Variants in RRM2 observed in about 807,000 individuals in gnomAD.
RRM2 encodes ribonucleotide reductase regulatory subunit M2.
A neutral mutation model predicts 45.9 loss-of-function variants in RRM2; 6 were observed. That is an observed-to-expected ratio of 0.13 (90% CI 0.07 to 0.26). RRM2 has a LOEUF of 0.26. Ranked by LOEUF, RRM2 falls within the 10% of genes least tolerant of loss-of-function variation. The pLI, the probability that RRM2 is intolerant of heterozygous loss-of-function variation, is 1.00. For missense variants in RRM2, 343 were observed against 489.5 expected (o/e 0.70, Z 2.82); for synonymous variants, 177 against 173.0 (o/e 1.02, Z -0.18).
At chr2:10,210,316 C>T (rs878867555) in exon 4 of RRM2, 1 of 1,366,676 alleles carries the variant, frequency 7.3e-7, no homozygotes, top group Admixed American at 1.9e-5. Context: ...ATCAGTCTTC[C>T]AGGATCTCAA....
Position 10,195,406 on chromosome 2 carries a change from G to A in RRM2, n.483-14905G>A, listed in dbSNP as rs1664393553. Among the ~76,000 whole-genome samples the A allele has an allele frequency of 1.3e-5, 2 of 152,106 alleles. No homozygotes were observed. Among genetic ancestry groups the A allele is most frequent in the African/African-American group, 4.8e-5 (2 of 41,420 alleles). ...AGCGGACAGTGCTGGCGGAGCCCTGGGGAGCACCGAGTCCCCGCCGTGATG... is the reference window on the plus strand; with the variant it reads ...AGCGGACAGTGCTGGCGGAGCCCTGAGGAGCACCGAGTCCCCGCCGTGATG... On this transcript the variant is annotated intron_variant and non_coding_transcript_variant, in intron 3 of 3. Coordinates refer to the RRM2 transcript ENST00000381786. The surrounding 1 kb of genome is among the most constrained non-coding windows in gnomAD (Gnocchi z 4.9).
At chr2:10,135,038 T>C (rs1196826483), downstream of RRM2, among the ~76,000 whole-genome samples, 1 of 152,250 alleles carries the variant, frequency 6.6e-6, no homozygotes, top group African/African-American at 2.4e-5. Context: ...TATGAAATCA[T>C]ATCTTCAATG....
intron 3 of RRM2, chr2:10,192,508 A>C (rs1267215634): frequency 6.5e-6 from 1 of 154,514 alleles, no homozygotes; most frequent in Admixed American, 6.5e-5. Flanking sequence ...AGCCCTGCCC[A>C]CTTGTGACCA....
At chr2:10,199,779 C>CAAAAAAAAAAAAAAAAAAAAAAAAA (rs796262395) in intron 3 of RRM2, among the ~76,000 whole-genome samples, 3 of 14,298 alleles carry the variant, frequency 2.1e-4, no homozygotes, top group East Asian at 3.0e-3. Context: ...GACTCAGTCT[C>CAAAAAAAAAAAAAAAAAAAAAAAAA]AAAAAAAAAA....
chr2:10,145,551 G>A (rs1663170655), intron 3 of RRM2: 1 of 152,390 alleles, frequency 6.6e-6, no homozygotes, highest in Admixed American at 6.5e-5. Flanking sequence ...GGATTGGCAA[G>A]AGGGAGACTG....
chr2:10,185,236 A>AGAGACAGAGAGAGAGCGTGAAAGC lies in RRM2; in HGVS notation n.483-25065_483-25042dup. On this transcript the variant is annotated intron_variant and non_coding_transcript_variant, in intron 3 of 3. Transcript: ENST00000381786. This position sits in a 1 kb window ranked among gnomAD's most constrained non-coding sequence, Gnocchi z 4.3. The stretch of plus-strand genomic sequence containing the variant: ...AATTTTGGCTGCTGACTCCAGGACA[A>AGAGACAGAGAGAGAGCGTGAAAGC]GAGACAGAGAGAGAGCGTGAAAGCG... Among the ~76,000 whole-genome samples, 1 of 151,938 alleles carries AGAGACAGAGAGAGAGCGTGAAAGC rather than the reference A, an allele frequency of 6.6e-6. No individual in the cohort carries two copies. Among genetic ancestry groups the AGAGACAGAGAGAGAGCGTGAAAGC allele is most frequent in the South Asian group, 2.1e-4 (1 of 4,802 alleles).
At position 10,200,644 on chromosome 2, in the gene RRM2, C is replaced by CCCACGGGG. The variant is rs1558406944; in HGVS notation, n.483-9667_483-9666insCCACGGGG. The stretch of plus-strand genomic sequence containing the variant: ...GCGCGCAAAATATGAGGCCCACAGG[C>CCCACGGGG]ACCGCGCACACAAAATATGAGGCCC... On this transcript the variant is annotated intron_variant and non_coding_transcript_variant, in intron 3 of 3. Transcript: ENST00000381786. 9.9e-5 allele frequency among the ~76,000 whole-genome samples: 3 copies of CCCACGGGG among 30,154 alleles called. 1 individual carries two copies. Among genetic ancestry groups the CCCACGGGG allele is most frequent in the African/African-American group, 3.5e-4 (3 of 8,514 alleles). 19.8% of individuals were successfully genotyped at this position (30,154 alleles called of 152,430 possible).
chr2:10,165,841 G>A (rs1663667489), intron 3 of RRM2, among the ~76,000 whole-genome samples: 1 of 152,220 alleles, frequency 6.6e-6, no homozygotes, highest in Admixed American at 6.5e-5. Flanking sequence ...CCTGCTGATT[G>A]CTTCCTGGTC....
chr2:10,158,627 G>A (rs1191942850), intron 3 of RRM2, among the ~76,000 whole-genome samples: 1 of 152,162 alleles, frequency 6.6e-6, no homozygotes, highest in Admixed American at 6.5e-5. Context: ...CAAAGGATGA[G>A]GTTGGAATAC....
Position 10,127,705 on chromosome 2 carries a change from C to A in RRM2, c.798+485C>A, listed in dbSNP as rs184168016. ...GCCAGACTGGGGTTGAACTCCTGACCTCAGGTGATCAGGTGATCCACCCGC... is the reference window on the plus strand; with the variant it reads ...GCCAGACTGGGGTTGAACTCCTGACATCAGGTGATCAGGTGATCCACCCGC... On this transcript the variant is annotated intron_variant, in intron 7 of 9. Transcript: ENST00000304567. This position sits in a 1 kb window ranked among gnomAD's most constrained non-coding sequence, Gnocchi z 4.1. Among the ~76,000 whole-genome samples, 1 of 151,974 alleles carries A rather than the reference C, an allele frequency of 6.6e-6. No individual in the cohort carries two copies. The highest frequency in any genetic ancestry group is 6.6e-5 in the Admixed American group (1 of 15,266).
At chr2:10,135,962 T>C (rs996226826), downstream of RRM2, among the ~76,000 whole-genome samples, 5 of 149,010 alleles carry the variant, frequency 3.4e-5, no homozygotes, top group Non-Finnish European at 7.5e-5. Flanking sequence ...TAGTCATGTG[T>C]TTTTTTTTTA....
At chr2:10,137,658 A>G (rs927424964), upstream of RRM2, among the ~76,000 whole-genome samples, 2 of 152,186 alleles carry the variant, frequency 1.3e-5, no homozygotes, top group Admixed American at 6.5e-5. Flanking sequence ...ATGGAGCCTC[A>G]CGCTTAGGAA....
chr2:10,188,309 T>C (rs1453699107), intron 3 of RRM2, among the ~76,000 whole-genome samples: 3 of 152,214 alleles, frequency 2.0e-5, no homozygotes, highest in Admixed American at 6.5e-5. Flanking sequence ...TATAGTCTCA[T>C]GGTTCTGGTG....
At chr2:10,202,511 A>G (rs1437328350) in intron 3 of RRM2, among the ~76,000 whole-genome samples, 1 of 152,212 alleles carries the variant, frequency 6.6e-6, no homozygotes, top group Non-Finnish European at 1.5e-5. Context: ...CTTATAGACT[A>G]AGGGTATTTA....
At chr2:10,131,423 A>C (rs368006881), downstream of RRM2, 3 of 144,346 alleles carry the variant, frequency 2.1e-5, no homozygotes, top group East Asian at 5.8e-4. Flanking sequence ...CAGTTTCTTG[A>C]TTGGTAAAAT....
At chr2:10,210,702 G>A (rs1664747204) in exon 4 of RRM2, 1 of 1,062,316 alleles carries the variant, frequency 9.4e-7, no homozygotes, top group Admixed American at 2.4e-5. Context: ...AAACTGGGGT[G>A]ATGTGAGCCC....
chr2:10,139,548 C>A (rs1663044068), upstream of RRM2, among the ~76,000 whole-genome samples: 1 of 152,166 alleles, frequency 6.6e-6, no homozygotes, highest in African/African-American at 2.4e-5. Flanking sequence ...GGAATCACCA[C>A]ATTGCTGGGG....
chr2:10,209,117 G>T (rs1350194711), intron 3 of RRM2, among the ~76,000 whole-genome samples: 2 of 149,782 alleles, frequency 1.3e-5, no homozygotes, highest in African/African-American at 2.5e-5. Context: ...GAGTGCAATG[G>T]TGCAATCTTG....
intron 3 of RRM2, among the ~76,000 whole-genome samples, chr2:10,200,496 CACACAAAATAT>C (rs1664535051): frequency 4.2e-5 from 2 of 47,976 alleles, no homozygotes; most frequent in African/African-American, 8.4e-5. Context: ...AGGCACCGCG[CACACAAAATAT>C]GAGGCCCACA....
Sources: gnomAD v4.1 joint callset for allele counts (sites outside exome capture counted in the v4.1 genomes callset) on GRCh38, gnomAD v4.1.1 for gene constraint, Gnocchi (gnomAD v3.1) non-coding constraint, MANE v1.5 for transcripts, NCBI Gene and HGNC (gene_info 2026-07-23, HGNC 2026-07-21) for gene names.